The following CACNG2 variants were observed in gnomAD, a reference collection of about 807,000 sequenced individuals.
The protein encoded by CACNG2 is calcium voltage-gated channel auxiliary subunit gamma 2, also known as voltage-dependent calcium channel gamma-2 subunit.
Under a neutral mutation model 25.9 loss-of-function variants are expected in CACNG2, and 3 were observed. The observed-to-expected ratio is 0.12, with a 90% CI of 0.05 to 0.30. CACNG2 has a LOEUF of 0.30. CACNG2 is among the 10% of genes least tolerant of loss of function. The pLI, the probability that CACNG2 is intolerant of heterozygous loss-of-function variation, is 1.00. For missense variants in CACNG2, 341 were observed against 432.5 expected, an observed-to-expected ratio of 0.79 and a Z score of 1.88; for synonymous variants, 167 against 173.3, an observed-to-expected ratio of 0.96 and a Z score of 0.29.
At chr22:36,580,705 T>C (rs969339861) in intron 2 of CACNG2, among the ~76,000 whole-genome samples, 4 of 151,546 alleles carry the variant, frequency 2.6e-5, no homozygotes, top group Non-Finnish European at 5.9e-5. Context: ...CACAATAGAG[T>C]GGATTTTGGG....
At chr22:36,583,001 T>G (rs1377515756) in intron 2 of CACNG2, among the ~76,000 whole-genome samples, 5 of 151,764 alleles carry the variant, frequency 3.3e-5, no homozygotes. Flanking sequence ...CATAGGAAAT[T>G]TAAGGGGCCC....
chr22:36,577,434 G>A (rs184372145), intron 2 of CACNG2, among the ~76,000 whole-genome samples: 7 of 151,744 alleles, frequency 4.6e-5, no homozygotes, highest in Admixed American at 2.6e-4. Context: ...GGTGGATCAC[G>A]AGGTCAAGAG....
intron 1 of CACNG2, among the ~76,000 whole-genome samples, chr22:36,692,399 C>T (rs771144878): frequency 3.3e-5 from 5 of 152,144 alleles, no homozygotes; most frequent in Non-Finnish European, 7.3e-5. Context: ...CCTCTGGGCC[C>T]GGCAGTAACT....
chr22:36,627,437 A>G (rs767417939), intron 1 of CACNG2, among the ~76,000 whole-genome samples: 1 of 152,144 alleles, frequency 6.6e-6, no homozygotes, highest in Non-Finnish European at 1.5e-5. Context: ...GGGCATGCTC[A>G]CGGTAACACA....
At chr22:36,643,246 CTTCT>C (rs1274281204) in intron 1 of CACNG2, among the ~76,000 whole-genome samples, 1 of 143,552 alleles carries the variant, frequency 7.0e-6, no homozygotes, top group African/African-American at 2.6e-5. Context: ...TTGTCTTTCT[CTTCT>C]TTCTTTCTCT....
chr22:36,563,492 TC>T lies in CACNG2; in HGVS notation c.*858del, dbSNP rs1409935414. Among the ~76,000 whole-genome samples the T allele has an allele frequency of 2.0e-5, 3 of 152,074 alleles. No individual in the cohort carries two copies. Among genetic ancestry groups the T allele is most frequent in the Non-Finnish European group, 4.4e-5 (3 of 67,978 alleles). On this transcript the variant is annotated 3_prime_UTR_variant, in exon 4 of 4. Transcript: ENST00000300105. ...AGCCACCGGCAGCCTCCCCTCTCCT[TC>T]CCTTTCCTCAAGGCCTAGGAAGTCA...
chr22:36,677,745 C>A (rs1937037963), intron 1 of CACNG2, among the ~76,000 whole-genome samples: 1 of 152,166 alleles, frequency 6.6e-6, no homozygotes, highest in Non-Finnish European at 1.5e-5. Context: ...GCCTGTGGTG[C>A]CGTTCAACCA....
chr22:36,655,520 C>A (rs893168097), intron 1 of CACNG2, among the ~76,000 whole-genome samples: 21 of 152,188 alleles, frequency 1.4e-4, no homozygotes, highest in Admixed American at 1.2e-3. Context: ...AGAATAGGGA[C>A]CAACTGTGTT....
intron 1 of CACNG2, among the ~76,000 whole-genome samples, chr22:36,602,139 A>C (rs1261645424): frequency 1.3e-5 from 2 of 152,096 alleles, no homozygotes; most frequent in African/African-American, 4.8e-5. Flanking sequence ...ATGCCTATTA[A>C]AGTCCTCTGC....
At chr22:36,700,955 G>T (rs1325667739) in intron 1 of CACNG2, among the ~76,000 whole-genome samples, 1 of 152,138 alleles carries the variant, frequency 6.6e-6, no homozygotes, top group Non-Finnish European at 1.5e-5. Context: ...CATGGGATTT[G>T]TGCTCTTTCC....
intron 1 of CACNG2, among the ~76,000 whole-genome samples, chr22:36,608,477 A>G (rs1037673561): frequency 5.9e-5 from 9 of 152,224 alleles, no homozygotes; most frequent in African/African-American, 2.2e-4. Flanking sequence ...CTCAGTAGAT[A>G]TGGGAGACTT....
At chr22:36,657,058 A>C (rs575162362) in intron 1 of CACNG2, among the ~76,000 whole-genome samples, 2 of 152,348 alleles carry the variant, frequency 1.3e-5, no homozygotes, top group Admixed American at 1.3e-4. Flanking sequence ...AGTGCTCGAC[A>C]GTGATTTGTG....
chr22:36,654,074 A>G, intron 1 of CACNG2, among the ~76,000 whole-genome samples: 1 of 151,768 alleles, frequency 6.6e-6, no homozygotes, highest in East Asian at 1.9e-4. Flanking sequence ...TTCAGAACAA[A>G]AAAAGGAACA....
At chr22:36,609,755 G>A (rs1935905276) in intron 1 of CACNG2, among the ~76,000 whole-genome samples, 2 of 145,902 alleles carry the variant, frequency 1.4e-5, no homozygotes. Flanking sequence ...AGCCAACAGA[G>A]CATGATCAGG....
At chr22:36,570,186 G>A (rs914983643) in intron 2 of CACNG2, among the ~76,000 whole-genome samples, 2 of 152,212 alleles carry the variant, frequency 1.3e-5, no homozygotes, top group Non-Finnish European at 2.9e-5. Context: ...GGGAGGGAGC[G>A]TCGGCTGCGG....
chr22:36,684,021 G>A (rs1937163401), intron 1 of CACNG2, among the ~76,000 whole-genome samples: 1 of 152,176 alleles, frequency 6.6e-6, no homozygotes, highest in African/African-American at 2.4e-5. Flanking sequence ...CTATGTCAGT[G>A]TCTCTTTTAT....
intron 1 of CACNG2, among the ~76,000 whole-genome samples, chr22:36,690,260 G>T (rs967111012): frequency 6.6e-6 from 1 of 152,232 alleles, no homozygotes; most frequent in African/African-American, 2.4e-5. Context: ...GACTCAGGGG[G>T]AAGTGCGAGG....
intron 1 of CACNG2, among the ~76,000 whole-genome samples, chr22:36,682,148 G>A (rs1004825617): frequency 6.6e-6 from 1 of 152,206 alleles, no homozygotes; most frequent in East Asian, 1.9e-4. Context: ...AGCTTGGGAG[G>A]GTTCCCACAG....
intron 1 of CACNG2, among the ~76,000 whole-genome samples, chr22:36,681,664 C>G (rs1937126660): frequency 6.6e-6 from 1 of 152,092 alleles, no homozygotes; most frequent in Non-Finnish European, 1.5e-5. Flanking sequence ...TAAAGTTGAC[C>G]ATTTGTGTTT....
Sources: allele counts gnomAD v4.1 joint callset (sites outside exome capture counted in the v4.1 genomes callset), GRCh38; gene constraint gnomAD v4.1.1; transcripts MANE v1.5; gene names NCBI Gene and HGNC (gene_info 2026-07-23, HGNC 2026-07-21).